CYP7B1: variants seen among roughly 807,000 people sequenced by gnomAD.
CYP7B1 encodes cytochrome P450 7B1.
Under a neutral mutation model 42.7 loss-of-function variants are expected in CYP7B1, and 29 were observed. That is an observed-to-expected ratio of 0.68 (90% CI 0.51 to 0.93). The LOEUF (loss-of-function observed/expected upper bound fraction) is 0.93. Among genes scored for constraint, CYP7B1 ranks in the 40% least tolerant of loss-of-function variants. CYP7B1 has a pLI of 0.00. For synonymous variants in CYP7B1, 235 were observed against 218.2 expected, an observed-to-expected ratio of 1.08 and a Z score of -0.68; for missense variants, 655 against 600.5, an observed-to-expected ratio of 1.09 and a Z score of -0.95.
chr8:64,739,430 G>C (rs1807537320), intron 1 of CYP7B1, among the ~76,000 whole-genome samples: 1 of 152,164 alleles, frequency 6.6e-6, no homozygotes, highest in Non-Finnish European at 1.5e-5. Flanking sequence ...AACACTAGAG[G>C]AAGTTGAGGC....
chr8:64,590,502 C>A (rs912449419), downstream of CYP7B1, among the ~76,000 whole-genome samples: 4 of 152,190 alleles, frequency 2.6e-5, no homozygotes, highest in African/African-American at 4.8e-5. Context: ...AACTCTCTCC[C>A]ATTTATTGTG....
Position 64,790,007 on chromosome 8 carries a change from G to C in CYP7B1, c.122+8459C>G, listed in dbSNP as rs150656053. Among the ~76,000 whole-genome samples the C allele has an allele frequency of 2.6e-5, 4 of 152,280 alleles. No homozygotes were observed. The East Asian group carries it at 7.7e-4, about 29-fold the overall frequency. The stretch of plus-strand genomic sequence containing the variant: ...ATTCAAAGGATCCATGAACTGTGGT[G>C]ACCACTGAGCAGTCTACGGAACCTA... On this transcript the variant is annotated intron_variant, in intron 1 of 5. Coordinates refer to ENST00000310193, the MANE Select transcript of CYP7B1 (RefSeq NM_004820.5).
At chr8:64,661,354 T>C (rs995391378) in intron 1 of CYP7B1, among the ~76,000 whole-genome samples, 1 of 152,210 alleles carries the variant, frequency 6.6e-6, no homozygotes. Context: ...ATCTTCCATA[T>C]AAGGCCAACT....
intron 1 of CYP7B1, among the ~76,000 whole-genome samples, chr8:64,699,953 A>T (rs532947260): frequency 7.2e-5 from 11 of 152,142 alleles, no homozygotes; most frequent in Non-Finnish European, 1.2e-4. Flanking sequence ...AATTCCCAAC[A>T]CCTTTTCAGG....
chr8:64,706,619 T>C (rs1024718836), intron 1 of CYP7B1, among the ~76,000 whole-genome samples: 2 of 152,046 alleles, frequency 1.3e-5, no homozygotes, highest in African/African-American at 4.8e-5. Context: ...TCTTATCTTA[T>C]CGATTGGATT....
chr8:64,655,666 T>C (rs1806110281), intron 1 of CYP7B1, among the ~76,000 whole-genome samples: 2 of 152,174 alleles, frequency 1.3e-5, no homozygotes, highest in African/African-American at 2.4e-5. Context: ...ATTGTGTATA[T>C]ACCCAGAGGA....
At chr8:64,796,201 T>C (rs1291832596) in intron 1 of CYP7B1, among the ~76,000 whole-genome samples, 2 of 152,188 alleles carry the variant, frequency 1.3e-5, no homozygotes, top group African/African-American at 4.8e-5. Flanking sequence ...AGCAAGGACA[T>C]ATATCCAGAA....
intron 1 of CYP7B1, among the ~76,000 whole-genome samples, chr8:64,685,874 T>TG (rs1251484974): frequency 1.3e-4 from 3 of 23,992 alleles, no homozygotes; most frequent in South Asian, 1.3e-3. Context: ...GGGAGGGAGG[T>TG]GGGGGGGTCA....
intron 1 of CYP7B1, among the ~76,000 whole-genome samples, chr8:64,738,535 A>AAC (rs990019545): frequency 5.3e-5 from 8 of 151,688 alleles, no homozygotes; most frequent in Admixed American, 2.0e-4. Flanking sequence ...AATACAAGAA[A>AAC]ACACACACAC....
In CYP7B1 at chr8:64,683,008, G is replaced by A. The variant is rs189148459; in HGVS notation, c.123-58469C>T. ...TTGACTTCTTTCTCTCACAACCCACGTATAACATCAGCAAATCACTTTGTT... is the reference window on the plus strand; with the variant it reads ...TTGACTTCTTTCTCTCACAACCCACATATAACATCAGCAAATCACTTTGTT... On this transcript the variant is annotated intron_variant, in intron 1 of 5. Transcript: ENST00000310193. 1.8e-3 allele frequency among the ~76,000 whole-genome samples: 279 copies of A among 152,208 alleles called. 1 individual carries two copies. The highest frequency in any genetic ancestry group is 5.7e-3 in the African/African-American group (236 of 41,556).
At chr8:64,656,544 T>C (rs1272735299) in intron 1 of CYP7B1, among the ~76,000 whole-genome samples, 3 of 152,208 alleles carry the variant, frequency 2.0e-5, no homozygotes, top group Non-Finnish European at 2.9e-5. Context: ...AGAACAAGCA[T>C]TGTGGCCGAG....
chr8:64,605,754 T>C (rs554669665), intron 4 of CYP7B1, among the ~76,000 whole-genome samples: 1 of 152,128 alleles, frequency 6.6e-6, no homozygotes, highest in Non-Finnish European at 1.5e-5. Context: ...CTTGATTCTC[T>C]CTAATCAGCA....
intron 1 of CYP7B1, among the ~76,000 whole-genome samples, chr8:64,794,453 T>C (rs751286926): frequency 2.0e-5 from 3 of 152,208 alleles, no homozygotes; most frequent in Non-Finnish European, 4.4e-5. Context: ...GAGATTTATC[T>C]CTCACAGTTC....
intron 1 of CYP7B1, chr8:64,734,428 T>C (rs1344282039): frequency 2.0e-5 from 3 of 152,198 alleles, no homozygotes; most frequent in Non-Finnish European, 4.4e-5. Flanking sequence ...ACCTTGAATA[T>C]TGAGTCTTCA....
chr8:64,633,198 T>C (rs1468158226), intron 1 of CYP7B1, among the ~76,000 whole-genome samples: 1 of 152,204 alleles, frequency 6.6e-6, no homozygotes, highest in East Asian at 1.9e-4. Context: ...AGAATGTTGA[T>C]ACCAACCTTG....
chr8:64,618,859 T>C (rs1355707448), intron 2 of CYP7B1, among the ~76,000 whole-genome samples: 2 of 152,106 alleles, frequency 1.3e-5, no homozygotes, highest in African/African-American at 4.8e-5. Context: ...CTCACTCCTT[T>C]CAAGGCTCTT....
At chr8:64,689,881 A>G (rs1806712781) in intron 1 of CYP7B1, among the ~76,000 whole-genome samples, 1 of 152,088 alleles carries the variant, frequency 6.6e-6, no homozygotes. Flanking sequence ...TTCTGTTTCT[A>G]ATTGCATTTC....
chr8:64,691,504 A>C (rs1467488094), intron 1 of CYP7B1, among the ~76,000 whole-genome samples: 1 of 141,218 alleles, frequency 7.1e-6, no homozygotes, highest in Admixed American at 7.5e-5. Flanking sequence ...GTGGTGGTTA[A>C]AGCTGGAATG....
intron 1 of CYP7B1, among the ~76,000 whole-genome samples, chr8:64,694,537 C>T (rs948924446): frequency 1.3e-5 from 2 of 152,054 alleles, no homozygotes; most frequent in Admixed American, 6.5e-5. Context: ...ATGCTGGCCT[C>T]GGGACTGCCT....
Sources: allele counts gnomAD v4.1 joint callset (sites outside exome capture counted in the v4.1 genomes callset), GRCh38; gene constraint gnomAD v4.1.1; transcripts MANE v1.5; gene names NCBI Gene and HGNC (gene_info 2026-07-23, HGNC 2026-07-21).